SSUH2: variants seen among roughly 807,000 people sequenced by gnomAD.
SSUH2 encodes ssu-2 homolog, also known as protein SSUH2 homolog.
In SSUH2, 47 loss-of-function variants were observed where a neutral mutation model predicts 55.3. The observed-to-expected ratio is 0.85, with a 90% CI of 0.67 to 1.08. SSUH2 has a LOEUF of 1.08. SSUH2 is among the 50% of genes least tolerant of loss of function. The probability of loss-of-function intolerance (pLI) is 0.00; values close to 1 mark genes in which losing one functional copy is unlikely to be tolerated. For synonymous variants in SSUH2, 212 were observed against 191.5 expected, an observed-to-expected ratio of 1.11 and a Z score of -0.89; for missense variants, 535 against 490.7, an observed-to-expected ratio of 1.09 and a Z score of -0.85.
chr3:8,672,360 T>C (rs1348644653), intron 3 of SSUH2, among the ~76,000 whole-genome samples: 1 of 152,064 alleles, frequency 6.6e-6, no homozygotes. Flanking sequence ...AATATCACAG[T>C]GTGGGTGTAC....
At chr3:8,654,422 C>T (rs757819569) in intron 7 of SSUH2, among the ~76,000 whole-genome samples, 2 of 152,214 alleles carry the variant, frequency 1.3e-5, no homozygotes, top group Non-Finnish European at 2.9e-5. Flanking sequence ...TCTAACACTT[C>T]GTAGTTTCCC....
chr3:8,643,472 T>G (rs551901959), intron 1 of SSUH2, among the ~76,000 whole-genome samples: 1 of 152,200 alleles, frequency 6.6e-6, no homozygotes, highest in Non-Finnish European at 1.5e-5. Flanking sequence ...GATATACAAT[T>G]TCCAATATAT....
At chr3:8,665,464 A>C (rs763257796) in intron 5 of SSUH2, among the ~76,000 whole-genome samples, 5 of 152,290 alleles carry the variant, frequency 3.3e-5, no homozygotes, top group Admixed American at 6.5e-5. Flanking sequence ...TGGACCCGAA[A>C]CTCAAAATTT....
chr3:8,680,434 C>T (rs1255236574), intron 1 of SSUH2, among the ~76,000 whole-genome samples: 1 of 152,002 alleles, frequency 6.6e-6, no homozygotes, highest in Non-Finnish European at 1.5e-5. Flanking sequence ...TGTACACCCT[C>T]GGTGTACAGA....
At chr3:8,678,200 C>A (rs142987845) in intron 2 of SSUH2, among the ~76,000 whole-genome samples, 6 of 152,020 alleles carry the variant, frequency 3.9e-5, no homozygotes, top group Non-Finnish European at 8.8e-5. Context: ...ACCCCCTCCG[C>A]CTTGGAATAT....
intron 1 of SSUH2, among the ~76,000 whole-genome samples, chr3:8,642,660 A>C (rs1419716026): frequency 6.6e-6 from 1 of 152,220 alleles, no homozygotes; most frequent in Non-Finnish European, 1.5e-5. Context: ...AAAACGTATC[A>C]CTGGAGAAAG....
intron 1 of SSUH2, among the ~76,000 whole-genome samples, chr3:8,639,496 C>T (rs756334114): frequency 1.3e-5 from 2 of 152,180 alleles, no homozygotes; most frequent in Non-Finnish European, 2.9e-5. Flanking sequence ...TAGCTGAACA[C>T]CCTATGGCTC....
chr3:8,677,286 C>G (rs1480355019), exon 3 of SSUH2: 1 of 151,534 alleles, frequency 6.6e-6, no homozygotes, highest in Non-Finnish European at 1.5e-5. Context: ...GATTTACTAT[C>G]CAACAGGGGT....
At chr3:8,655,421 G>T (rs1361420502) in intron 7 of SSUH2, among the ~76,000 whole-genome samples, 1 of 142,978 alleles carries the variant, frequency 7.0e-6, no homozygotes, top group Non-Finnish European at 1.5e-5. Context: ...GTCTCAGTGT[G>T]TGGCCTCCTC....
chr3:8,645,180 A>C (rs75355825), upstream of SSUH2, among the ~76,000 whole-genome samples: 2,385 of 152,302 alleles, frequency 0.016, 65 homozygotes, highest in African/African-American at 0.054. Flanking sequence ...CGCATGCAGA[A>C]AAAGGTCATA....
intron 5 of SSUH2, among the ~76,000 whole-genome samples, chr3:8,666,165 C>T (rs1703973338): frequency 6.6e-6 from 1 of 152,124 alleles, no homozygotes; most frequent in African/African-American, 2.4e-5. Context: ...ATTCATTTTG[C>T]AGACATATTA....
chr3:8,630,338 G>A (rs750942633), intron 6 of SSUH2, among the ~76,000 whole-genome samples: 1 of 152,144 alleles, frequency 6.6e-6, no homozygotes, highest in African/African-American at 2.4e-5. Context: ...TAATCCACTA[G>A]GCTCCTCTCC....
At chr3:8,657,385 T>C (rs1703041295) in intron 7 of SSUH2, among the ~76,000 whole-genome samples, 1 of 152,072 alleles carries the variant, frequency 6.6e-6, no homozygotes, top group African/African-American at 2.4e-5. Context: ...CAAAGTGGCA[T>C]GAAGAAGCCC....
At chr3:8,623,801 A>G in intron 10 of SSUH2, 145 bp from the exon 11 acceptor site, 1 of 567,726 alleles carries the variant, frequency 1.8e-6, no homozygotes, top group East Asian at 2.9e-5. Context: ...AGGAATTTCA[A>G]AAACAGGAAA....
In SSUH2 at chr3:8,678,619, C is replaced by CTCCCTGCCACTTAGGA. The variant is rs200598859; in HGVS notation, c.-901+1085_-901+1086insTCCTAAGTGGCAGGGA. Among the ~76,000 whole-genome samples, 4 of 68,678 alleles carry CTCCCTGCCACTTAGGA rather than the reference C, an allele frequency of 5.8e-5. 1 individual carries two copies. Among genetic ancestry groups the CTCCCTGCCACTTAGGA allele is most frequent in the African/African-American group, 2.0e-4 (4 of 19,650 alleles). The allele number at this position is 68,678 out of a possible 152,430, so 45.1% of individuals were successfully genotyped here. Reference sequence around the variant, plus strand: ...GGGACTGAGAGCCAGCCCTTCTTCCCCCCCGGCTTTTGGGACCCCCATCGC... The same window carrying CTCCCTGCCACTTAGGA: ...GGGACTGAGAGCCAGCCCTTCTTCCCTCCCTGCCACTTAGGACCCCGGCTTTTGGGACCCCCATCGC... On this transcript the variant is annotated intron_variant, in intron 2 of 18. Coordinates refer to the SSUH2 transcript ENST00000317371.
At chr3:8,667,375 G>T (rs1575357123) in intron 5 of SSUH2, among the ~76,000 whole-genome samples, 2 of 152,318 alleles carry the variant, frequency 1.3e-5, no homozygotes, top group South Asian at 4.2e-4. Context: ...AGCGTATAAT[G>T]AACAATGAGG....
chr3:8,627,874 G>T, intron 7 of SSUH2, 91 bp from the exon 8 acceptor site: 1 of 1,161,760 alleles, frequency 8.6e-7, no homozygotes, highest in Non-Finnish European at 1.2e-6. Flanking sequence ...CCAGCCTGGT[G>T]ACCTTCCTCC....
At chr3:8,640,825 C>T (rs148217029) in intron 1 of SSUH2, among the ~76,000 whole-genome samples, 3 of 152,300 alleles carry the variant, frequency 2.0e-5, no homozygotes, top group Non-Finnish European at 2.9e-5. Context: ...TTATGTAGGC[C>T]ACCCTGGGTT....
chr3:8,638,389 G>C (rs1700263591), intron 1 of SSUH2, among the ~76,000 whole-genome samples: 1 of 152,220 alleles, frequency 6.6e-6, no homozygotes, highest in African/African-American at 2.4e-5. Context: ...CCTCCTGGCA[G>C]AAAACCTACA....
Sources: gnomAD v4.1 joint callset for allele counts (sites outside exome capture counted in the v4.1 genomes callset) on GRCh38, gnomAD v4.1.1 for gene constraint, MANE v1.5 for transcripts, NCBI Gene and HGNC (gene_info 2026-07-23, HGNC 2026-07-21) for gene names.